The following PSMC6 variants were observed in gnomAD, a reference collection of about 807,000 sequenced individuals.
PSMC6 encodes the protein 26S proteasome regulatory subunit 10B.
Under a neutral mutation model 55.9 loss-of-function variants are expected in PSMC6, and 3 were observed. The ratio of observed to expected loss-of-function variants is 0.05; its 90% CI spans 0.02 to 0.14. PSMC6 has a LOEUF of 0.14. Among genes scored for constraint, PSMC6 ranks in the 10% least tolerant of loss-of-function variants. The pLI, the probability that PSMC6 is intolerant of heterozygous loss-of-function variation, is 1.00. For missense variants in PSMC6, 210 were observed against 478.7 expected (o/e 0.44, Z 5.24); for synonymous variants, 137 against 155.9 (o/e 0.88, Z 0.90).
In PSMC6 at chr14:52,724,047, A is replaced by C; in HGVS notation, c.1051+11A>C. 6.2e-7 allele frequency: 1 copy of C among 1,607,206 alleles called. No homozygotes were observed. Among genetic ancestry groups the C allele is most frequent in the African/African-American group, 1.3e-5 (1 of 74,788 alleles). On this transcript the variant is annotated intron_variant, in intron 13 of 13. Transcript: ENST00000445930. ...TTTGTACTGAAGCAGGTAAGGGTTT[A>C]AAGTACAGTTTTACTATTGATTTTG...
At chr14:52,721,514 G>T (rs930751944) in intron 12 of PSMC6, 20 of 179,704 alleles carry the variant, frequency 1.1e-4, no homozygotes, top group Non-Finnish European at 2.1e-4. Flanking sequence ...AAGCAAGAAA[G>T]TGGGGGGCGG....
chr14:52,716,006 A>C (rs1228502706), intron 7 of PSMC6, among the ~76,000 whole-genome samples: 1 of 152,224 alleles, frequency 6.6e-6, no homozygotes, highest in Non-Finnish European at 1.5e-5. Flanking sequence ...TGTGTGGTGG[A>C]AAATGTCAAC....
intron 12 of PSMC6, 186 bp from the exon 13 acceptor site, chr14:52,723,776 ATTC>A (rs1251002355): frequency 6.0e-6 from 8 of 1,335,266 alleles, no homozygotes; most frequent in Admixed American, 3.3e-5. Context: ...GGTGTGTCTA[ATTC>A]TTCTTGGTGC....
chr14:52,713,092 G>A (rs1301819605), intron 6 of PSMC6, among the ~76,000 whole-genome samples: 1 of 152,096 alleles, frequency 6.6e-6, no homozygotes, highest in Non-Finnish European at 1.5e-5. Flanking sequence ...TTAGCCAGGT[G>A]TGGTGGTGGC....
At position 52,720,242 on chromosome 14, in the gene PSMC6, A is replaced by AGC. The variant is rs1453127558; in HGVS notation, c.778-619_778-618insGC. ...GTCTCCAAAAAAAAAAAAAAAAAAA[A>AGC]AAGCAGTCCCAGCTACTCAGGAGGT... is the stretch of plus-strand genomic sequence containing the variant. On this transcript the variant is annotated intron_variant, in intron 10 of 13. Coordinates refer to ENST00000445930, the MANE Select transcript of PSMC6 (RefSeq NM_002806.5). Among the ~76,000 whole-genome samples, 5 of 148,040 alleles carry AGC rather than the reference A, an allele frequency of 3.4e-5. No individual in the cohort carries two copies. In the East Asian group the frequency reaches 9.8e-4, roughly 29 times the overall value.
chr14:52,721,943 G>A (rs1566661185), intron 12 of PSMC6: 1 of 152,318 alleles, frequency 6.6e-6, no homozygotes, highest in Non-Finnish European at 1.5e-5. Context: ...TTTTTTTGTA[G>A]GGATGGGGTT....
At chr14:52,725,866 C>A (rs1403037994) in intron 13 of PSMC6, among the ~76,000 whole-genome samples, 1 of 152,180 alleles carries the variant, frequency 6.6e-6, no homozygotes, top group East Asian at 1.9e-4. Context: ...TGGAAAATAG[C>A]CATGTGTGCA....
chr14:52,713,120 C>T (rs540382746), intron 6 of PSMC6, among the ~76,000 whole-genome samples: 1 of 152,184 alleles, frequency 6.6e-6, no homozygotes, highest in East Asian at 1.9e-4. Context: ...GTCCCAGCTA[C>T]TCAGGAGGCT....
intron 6 of PSMC6, among the ~76,000 whole-genome samples, chr14:52,713,388 A>G (rs2041796278): frequency 6.6e-6 from 1 of 152,218 alleles, no homozygotes; most frequent in African/African-American, 2.4e-5. Flanking sequence ...CAACAGATAA[A>G]AATTGTATAT....
intron 4 of PSMC6, 185 bp from the exon 5 acceptor site, chr14:52,710,916 C>G: frequency 1.6e-6 from 1 of 616,826 alleles, no homozygotes. Context: ...TTTTAAGGAG[C>G]AGGTGGAAAT....
At chr14:52,708,649 C>T in intron 3 of PSMC6, 115 bp from the exon 4 acceptor site, 10 of 1,539,808 alleles carry the variant, frequency 6.5e-6, no homozygotes, top group Non-Finnish European at 8.8e-6. Context: ...CTTAAGTTTT[C>T]CTTCAACTAA....
Position 52,710,891 on chromosome 14 carries a change from C to T in PSMC6, c.259-210C>T, listed in dbSNP as rs574701826. ...CATTTCACATTTTACACTGAGATTA[C>T]ACAAAGGGGCATGCTTTTAAGGAGC... On this transcript the variant is annotated intron_variant, in intron 4 of 13. Transcript: ENST00000445930. 337 of 564,446 alleles carry T rather than the reference C, an allele frequency of 6.0e-4. 9 individuals are homozygous for T. In the South Asian group the frequency reaches 6.0e-3, roughly 10 times the overall value. 35.0% of individuals were successfully genotyped at this position (564,446 alleles called of 1,614,324 possible). A position where few individuals can be genotyped will look rare whatever the true frequency, so the allele number is the denominator to read the frequency against.
chr14:52,712,384 T>TA lies in PSMC6; in HGVS notation c.441+870dup, dbSNP rs35697515. Among the ~76,000 whole-genome samples, 49 of 139,434 alleles carry TA rather than the reference T, an allele frequency of 3.5e-4. 1 individual carries two copies. The highest frequency in any genetic ancestry group is 5.0e-4 in the Admixed American group (7 of 13,864). 91.5% of individuals were successfully genotyped at this position (139,434 alleles called of 152,430 possible). ...ACTTGAGGAAGCACTGGTCTAAGTG[T>TA]AAAAAAAAAAGGCAGTTCTCACCTG... On this transcript the variant is annotated intron_variant, in intron 6 of 13. Transcript: ENST00000445930.
chr14:52,726,756 C>T (rs1201839795), intron 13 of PSMC6, among the ~76,000 whole-genome samples: 2 of 152,048 alleles, frequency 1.3e-5, no homozygotes, highest in Non-Finnish European at 2.9e-5. Context: ...ATTCTCCTGC[C>T]TCAGCCTCCC....
intron 12 of PSMC6, chr14:52,722,467 T>G (rs975552791): frequency 6.6e-6 from 1 of 151,800 alleles, no homozygotes; most frequent in Non-Finnish European, 1.5e-5. Context: ...TGGCCCTATA[T>G]ATATGTGTAC....
Position 52,719,247 on chromosome 14 carries a change from A to G in PSMC6, c.777+209A>G, listed in dbSNP as rs545224139. Reference sequence around the variant, plus strand: ...GGCTATCTGCCAAATTCCATTTGGTATACACCTGTACTATTCTGTGTTTTT... The same window carrying G: ...GGCTATCTGCCAAATTCCATTTGGTGTACACCTGTACTATTCTGTGTTTTT... On this transcript the variant is annotated intron_variant, in intron 10 of 13. Coordinates refer to ENST00000445930, the MANE Select transcript of PSMC6 (RefSeq NM_002806.5). Among the ~76,000 whole-genome samples the G allele has an allele frequency of 3.3e-5, 5 of 152,350 alleles. No homozygotes were observed. The South Asian group carries it at 6.2e-4, about 19-fold the overall frequency.
At chr14:52,723,396 C>T (rs1880276831) in intron 12 of PSMC6, 1 of 152,612 alleles carries the variant, frequency 6.6e-6, no homozygotes, top group African/African-American at 2.4e-5. Flanking sequence ...GGATGGAGAA[C>T]TCACTTTATT....
At chr14:52,717,991 C>G in intron 7 of PSMC6, 90 bp from the exon 8 acceptor site, 1 of 1,238,844 alleles carries the variant, frequency 8.1e-7, no homozygotes, top group Non-Finnish European at 1.2e-6. Context: ...TCTCGCCACA[C>G]TCCAGCCTAG....
chr14:52,720,819 A>T, intron 10 of PSMC6, 42 bp from the exon 11 acceptor site: 1 of 1,504,340 alleles, frequency 6.6e-7, no homozygotes, highest in African/African-American at 1.4e-5. Flanking sequence ...ATTTTTTTTA[A>T]TGGTTAGAAT....
Sources: gnomAD v4.1 joint callset for allele counts (sites outside exome capture counted in the v4.1 genomes callset) on GRCh38, gnomAD v4.1.1 for gene constraint, MANE v1.5 for transcripts, NCBI Gene and HGNC (gene_info 2026-07-23, HGNC 2026-07-21) for gene names.